GYG2: variants seen among roughly 807,000 people sequenced by gnomAD.
The protein encoded by GYG2 is glycogenin-2.
GYG2 carries 29 observed loss-of-function variants against 29.4 expected under a neutral mutation model. The ratio of observed to expected loss-of-function variants is 0.99; its 90% CI spans 0.74 to 1.35. The LOEUF (loss-of-function observed/expected upper bound fraction) is 1.35. Among genes scored for constraint, GYG2 ranks in the 40% most tolerant of loss-of-function variants. The pLI, the probability that GYG2 is intolerant of heterozygous loss-of-function variation, is 0.00. For synonymous variants in GYG2, 167 were observed against 172.3 expected, an observed-to-expected ratio of 0.97 and a Z score of 0.24; for missense variants, 370 against 385.7, an observed-to-expected ratio of 0.96 and a Z score of 0.34.
chrX:2,866,809 A>G (rs2088305779), intron 8 of GYG2, among the ~76,000 whole-genome samples: 1 of 91,318 alleles, frequency 1.1e-5, no homozygotes. Flanking sequence ...ATTATGTGTC[A>G]ATTTTTAAAA....
At chrX:2,879,124 A>G (rs925889929) in intron 10 of GYG2, among the ~76,000 whole-genome samples, 1 of 111,353 alleles carries the variant, frequency 9.0e-6, no homozygotes, top group Non-Finnish European at 1.9e-5. Flanking sequence ...GCAGAATCTT[A>G]TATGTAAAAA....
At chrX:2,849,785 G>C (rs2087826546) in intron 3 of GYG2, among the ~76,000 whole-genome samples, 1 of 111,789 alleles carries the variant, frequency 8.9e-6, no homozygotes, top group Admixed American at 9.6e-5. Context: ...GAAAAAGTTA[G>C]TTGATTGACT....
intron 6 of GYG2, among the ~76,000 whole-genome samples, chrX:2,859,201 G>A (rs2088094837): frequency 9.0e-6 from 1 of 111,079 alleles, no homozygotes; most frequent in African/African-American, 3.3e-5. Flanking sequence ...TGATAGTAGT[G>A]GTATGCTAGT....
At chrX:2,864,028 T>C (rs2088238280) in intron 8 of GYG2, among the ~76,000 whole-genome samples, 1 of 112,525 alleles carries the variant, frequency 8.9e-6, no homozygotes, top group South Asian at 3.7e-4. Context: ...CATGCTTTTA[T>C]GTGCATTACA....
intron 2 of GYG2, among the ~76,000 whole-genome samples, chrX:2,840,306 A>G (rs2087465692): frequency 9.0e-6 from 1 of 111,248 alleles, no homozygotes; most frequent in African/African-American, 3.3e-5. Flanking sequence ...CTGTGGGTGA[A>G]GCTCACACAG....
intron 2 of GYG2, among the ~76,000 whole-genome samples, chrX:2,836,645 C>A (rs1325464194): frequency 1.0e-5 from 1 of 97,428 alleles, no homozygotes; most frequent in African/African-American, 3.9e-5. Flanking sequence ...GCACTCCAGC[C>A]CTGGTGGCAG....
chrX:2,836,979 C>T (rs1156494431), intron 2 of GYG2, among the ~76,000 whole-genome samples: 1 of 111,017 alleles, frequency 9.0e-6, no homozygotes, highest in Non-Finnish European at 1.9e-5. Flanking sequence ...AAACCACCAC[C>T]ACCACAACGT....
At chrX:2,849,636 T>C (rs974075259) in intron 3 of GYG2, among the ~76,000 whole-genome samples, 2 of 112,186 alleles carry the variant, frequency 1.8e-5, no homozygotes, top group African/African-American at 6.5e-5. Context: ...GTTGTGACAA[T>C]TGATGTCTCA....
At position 2,881,320 on chromosome X, in the gene GYG2, T is replaced by C; in HGVS notation, c.*107T>C. ...TTCAAAGGGAAACGCTGTTGAACCT[T>C]GTGCCTCTATTTATGCTTAATCCAT... On this transcript the variant is annotated 3_prime_UTR_variant, in exon 11 of 11. Coordinates refer to ENST00000398806, the MANE Select transcript of GYG2 (RefSeq NM_001079855.2). 1.5e-6 allele frequency: 1 copy of C among 664,582 alleles called. No individual in the cohort carries two copies. Among genetic ancestry groups the C allele is most frequent in the Non-Finnish European group, 2.2e-6 (1 of 454,843 alleles). 54.8% of individuals were successfully genotyped at this position (664,582 alleles called of 1,213,427 possible).
At chrX:2,877,714 A>T (rs769215838) in intron 10 of GYG2, 1 of 752,730 alleles carries the variant, frequency 1.3e-6, no homozygotes, top group Non-Finnish European at 1.6e-6. Context: ...TTCTTCTTTC[A>T]GGATGAAATG....
chrX:2,834,033 C>A (rs1208180445), intron 2 of GYG2, among the ~76,000 whole-genome samples: 1 of 112,291 alleles, frequency 8.9e-6, no homozygotes, highest in African/African-American at 3.2e-5. Flanking sequence ...GTAATCCGGG[C>A]CCTCTGACCC....
In GYG2 at chrX:2,856,742, A is replaced by ATGTATCTG. The variant is rs2088000482; in HGVS notation, c.614+119_614+120insGTATCTGT. The stretch of plus-strand genomic sequence containing the variant: ...AACTCTATCTATCTATCTATCATCT[A>ATGTATCTG]TCTATCTATGTATCTATCTATCTAT... On this transcript the variant is annotated intron_variant, in intron 6 of 10. Transcript: ENST00000398806. 8 of 393,346 alleles carry ATGTATCTG rather than the reference A, an allele frequency of 2.0e-5. No individual in the cohort carries two copies. The African/African-American group carries it at 2.1e-4, about 10-fold the overall frequency. The allele number at this position is 393,346 out of a possible 1,213,427, so 32.4% of individuals were successfully genotyped here.
At chrX:2,860,195 CT>C (rs1296924237) in intron 7 of GYG2, 130 bp downstream of exon 7, 3 of 447,693 alleles carry the variant, frequency 6.7e-6, no homozygotes, top group Non-Finnish European at 1.1e-5. Flanking sequence ...GAAAAGAATA[CT>C]GAGAAGCAAG....
chrX:2,881,115 G>A lies in GYG2; in HGVS notation c.1315G>A (p.Glu439Lys). The A allele has an allele frequency of 8.3e-6, 10 of 1,207,394 alleles. No homozygotes were observed. The highest frequency in any genetic ancestry group is 7.8e-6 in the Non-Finnish European group (7 of 892,457). Residue 439 changes from glutamate (E) to lysine (K), a missense_variant, in exon 11 of 11, where the codon GAG becomes AAG. Transcript: ENST00000398806. ...IEEKVKELSP[E>K]EERRKWEEGR... ...AGAGAAGGTGAAGGAATTGAGCCCC[G>A]AGGAAGAGAGGAGGAAGTGGGAGGA...
chrX:2,830,174 G>C lies in GYG2; in HGVS notation c.-15G>C. 1.7e-6 allele frequency: 2 copies of C among 1,208,459 alleles called. No individual in the cohort carries two copies. The highest frequency in any genetic ancestry group is 2.2e-6 in the Non-Finnish European group (2 of 892,186). The stretch of plus-strand genomic sequence containing the variant: ...GTCTGCAGGTCCGCGCCCACTGCCC[G>C]CGGCGCCACTGACCATGTCGGGTGA... On this transcript the variant is annotated 5_prime_UTR_variant, in exon 2 of 11. Coordinates refer to ENST00000398806, the MANE Select transcript of GYG2 (RefSeq NM_001079855.2).
At chrX:2,872,248 G>A (rs958289666) in intron 8 of GYG2, among the ~76,000 whole-genome samples, 2 of 112,164 alleles carry the variant, frequency 1.8e-5, no homozygotes, top group Non-Finnish European at 3.8e-5. Flanking sequence ...AATGCAGTTT[G>A]TAAAAGTCAC....
intron 5 of GYG2, 50 bp downstream of exon 5, chrX:2,855,205 C>G: frequency 4.6e-6 from 5 of 1,078,707 alleles, no homozygotes; most frequent in Non-Finnish European, 6.4e-6. Context: ...ACACACTCAA[C>G]TCTGCAGATG....
rs2087635411 is a variant in GYG2 at position 2,845,005 on chromosome X, T to TTATATACACATGTGTATATA, written c.149+1668_149+1669insATATATATACACATGTGTAT. On this transcript the variant is annotated intron_variant, in intron 3 of 10. Transcript: ENST00000398806. ...ATGTATTATATATGTTCAAATATAT[T>TTATATACACATGTGTATATA]TATATACACATGTGTATGTATATTT... is the stretch of plus-strand genomic sequence containing the variant. 2.3e-5 allele frequency among the ~76,000 whole-genome samples: 2 copies of TTATATACACATGTGTATATA among 86,628 alleles called. 1 individual carries two copies. The highest frequency in any genetic ancestry group is 2.6e-4 in the Admixed American group (2 of 7,726). 75.2% of individuals were successfully genotyped at this position (86,628 alleles called of 115,157 possible). A position where few individuals can be genotyped will look rare whatever the true frequency, so the allele number is the denominator to read the frequency against.
At chrX:2,862,190 C>T (rs996765339) in intron 8 of GYG2, among the ~76,000 whole-genome samples, 3 of 110,674 alleles carry the variant, frequency 2.7e-5, no homozygotes, top group African/African-American at 6.6e-5. Flanking sequence ...AGGCCACGAG[C>T]GAGGGAATAT....
Sources: gnomAD v4.1 joint callset for allele counts (sites outside exome capture counted in the v4.1 genomes callset) on GRCh38, gnomAD v4.1.1 for gene constraint, MANE v1.5 for transcripts, NCBI Gene and HGNC (gene_info 2026-07-23, HGNC 2026-07-21) for gene names.